MMS22L: variants seen among roughly 807,000 people sequenced by gnomAD.
The protein encoded by MMS22L is protein MMS22-like.
In MMS22L, 74 loss-of-function variants were observed where a neutral mutation model predicts 159.1. That is an observed-to-expected ratio of 0.47 (90% CI 0.39 to 0.56). The LOEUF (loss-of-function observed/expected upper bound fraction) is 0.56. Ranked by LOEUF, MMS22L falls within the 20% of genes least tolerant of loss-of-function variation. The pLI is 0.00. For synonymous variants in MMS22L, 517 were observed against 506.9 expected, an observed-to-expected ratio of 1.02 and a Z score of -0.27; for missense variants, 1,351 against 1,422.1, an observed-to-expected ratio of 0.95 and a Z score of 0.80.
chr6:97,230,069 T>C (rs1486756138), intron 13 of MMS22L, among the ~76,000 whole-genome samples: 2 of 152,154 alleles, frequency 1.3e-5, no homozygotes, highest in Non-Finnish European at 2.9e-5. Context: ...TCTGAATTCC[T>C]ACTTACGAAT....
intron 18 of MMS22L, among the ~76,000 whole-genome samples, chr6:97,175,491 T>C (rs1804023711): frequency 6.6e-6 from 1 of 152,210 alleles, no homozygotes; most frequent in Admixed American, 6.5e-5. Context: ...TCTGAAACCA[T>C]GTCAATAAAC....
chr6:97,170,124 T>G (rs1044226264), intron 19 of MMS22L, among the ~76,000 whole-genome samples: 1 of 152,174 alleles, frequency 6.6e-6, no homozygotes, highest in Admixed American at 6.6e-5. Flanking sequence ...TAAGTATGTA[T>G]GTATAGGCAA....
At chr6:97,258,870 T>C (rs941460105) in intron 9 of MMS22L, 1 of 152,200 alleles carries the variant, frequency 6.6e-6, no homozygotes, top group Non-Finnish European at 1.5e-5. Flanking sequence ...CAAAGAGTGT[T>C]ATTCATTTAA....
chr6:97,193,222 T>G (rs570112069), intron 14 of MMS22L, among the ~76,000 whole-genome samples: 1 of 152,264 alleles, frequency 6.6e-6, no homozygotes, highest in South Asian at 2.1e-4. Context: ...AATTTACAAT[T>G]TTCCTATGCT....
rs199985007 is a variant in MMS22L, at chr6:97,225,131, TAA to T, written c.2039+3761_2039+3762del. ...ATAAGCATTAACTCTTTCAAGAATG[TAA>T]GAATTATTCTTGTGTTTCTAGTTAC... On this transcript the variant is annotated intron_variant, in intron 14 of 24. Coordinates refer to ENST00000683635, the MANE Select transcript of MMS22L (RefSeq NM_001350599.2). Among the ~76,000 whole-genome samples the T allele has an allele frequency of 5.4e-4, 83 of 152,324 alleles. 2 individuals carry two copies. In the East Asian group the frequency reaches 0.015, roughly 27 times the overall value.
intron 9 of MMS22L, among the ~76,000 whole-genome samples, chr6:97,262,361 C>T (rs551392062): frequency 1.3e-5 from 2 of 152,108 alleles, no homozygotes; most frequent in Admixed American, 6.5e-5. Flanking sequence ...AAAAAGATAG[C>T]AGGCCAGGCA....
At chr6:97,191,996 T>C (rs778250124) in intron 14 of MMS22L, among the ~76,000 whole-genome samples, 2 of 152,202 alleles carry the variant, frequency 1.3e-5, no homozygotes, top group Non-Finnish European at 2.9e-5. Context: ...CAATTTGAGA[T>C]AATGGTAGTT....
chr6:97,259,856 C>G (rs1028492430), intron 9 of MMS22L: 1 of 152,080 alleles, frequency 6.6e-6, no homozygotes, highest in African/African-American at 2.4e-5. Flanking sequence ...AAAAACAATA[C>G]TGCAATAAAT....
chr6:97,254,704 A>C lies in MMS22L; in HGVS notation c.972T>G (p.Leu324=). The C allele has an allele frequency of 6.2e-7, 1 of 1,608,220 alleles. No individual in the cohort carries two copies. The highest frequency in any genetic ancestry group is 8.5e-7 in the Non-Finnish European group (1 of 1,178,298). Residue 324 remains leucine, a synonymous_variant, in exon 10 of 25, where the codon CTT becomes CTG. Coordinates refer to ENST00000683635, the MANE Select transcript of MMS22L (RefSeq NM_001350599.2). ...CACTTGATTTTTCAAGCAGTGTTTT[A>C]AGTAGTTTATTCAACCAGTTCCAAA... ...ESFWNWLNKL[L]KTLLEKSSDR... is the part of the protein sequence containing the mutation.
At chr6:97,221,290 T>G (rs1809616844) in intron 14 of MMS22L, among the ~76,000 whole-genome samples, 1 of 152,094 alleles carries the variant, frequency 6.6e-6, no homozygotes, top group Non-Finnish European at 1.5e-5. Flanking sequence ...TAAGGAAAAC[T>G]CGTATCTATG....
chr6:97,272,799 T>C lies in MMS22L; in HGVS notation c.511A>G (p.Ile171Val), dbSNP rs150207857. 3.1e-6 allele frequency: 5 copies of C among 1,613,870 alleles called. No homozygotes were observed. In the African/African-American group the frequency reaches 5.3e-5, roughly 17 times the overall value. Residue 171 changes from isoleucine (I) to valine (V), a missense_variant, in exon 6 of 25, where the codon ATT becomes GTT. By Grantham distance (29) the Ile-to-Val change is conservative (BLOSUM62 3). Coordinates refer to ENST00000683635, the MANE Select transcript of MMS22L (RefSeq NM_001350599.2). ...AAGAGTAATCCATGAAGCTCATCAA[T>C]CAACACTGAGGGAAGCTGAGCCTCC... ...ALEAQLPSVLIDELHGLLLYI... is the reference protein window; with the variant it reads ...ALEAQLPSVLVDELHGLLLYI...
intron 22 of MMS22L, among the ~76,000 whole-genome samples, chr6:97,153,245 T>G (rs2128234677): frequency 6.6e-6 from 1 of 152,244 alleles, no homozygotes; most frequent in South Asian, 2.1e-4. Context: ...TATTCAGAGT[T>G]GTACAACCAT....
chr6:97,146,903 GAA>G lies in MMS22L; in HGVS notation c.3651-18_3651-17del. On this transcript the variant is annotated splice_polypyrimidine_tract_variant and intron_variant, in intron 24 of 24. Coordinates refer to ENST00000683635, the MANE Select transcript of MMS22L (RefSeq NM_001350599.2). ...ATAGGCTTCCCTGTTTAAGAAAAAA[GAA>G]AAGAAAGCAAATATATTAACATTTT... 6.7e-7 allele frequency: 1 copy of G among 1,482,214 alleles called. No homozygotes were observed. Among genetic ancestry groups the G allele is most frequent in the South Asian group, 1.3e-5 (1 of 78,544 alleles). The allele number at this position is 1,482,214 out of a possible 1,614,324, so 91.8% of individuals were successfully genotyped here.
At chr6:97,234,039 CACT>C in intron 11 of MMS22L, 59 bp from the exon 12 acceptor site, 1 of 1,561,206 alleles carries the variant, frequency 6.4e-7, no homozygotes, top group Non-Finnish European at 8.7e-7. Flanking sequence ...TAAACATTTT[CACT>C]TGATATTGTG....
At chr6:97,198,933 A>C (rs1806838284) in intron 14 of MMS22L, among the ~76,000 whole-genome samples, 1 of 152,080 alleles carries the variant, frequency 6.6e-6, no homozygotes. Flanking sequence ...TGCTTTCAAA[A>C]GTTTCATTTT....
intron 14 of MMS22L, among the ~76,000 whole-genome samples, chr6:97,201,186 C>T (rs1327223896): frequency 6.6e-6 from 1 of 152,054 alleles, no homozygotes. Flanking sequence ...GTGGACACAG[C>T]CTACATATTT....
intron 10 of MMS22L, among the ~76,000 whole-genome samples, chr6:97,248,211 T>G (rs1034134998): frequency 1.3e-5 from 2 of 152,216 alleles, no homozygotes; most frequent in African/African-American, 2.4e-5. Context: ...ACAGCACATA[T>G]GATGAGAAAC....
intron 18 of MMS22L, 151 bp from the exon 19 acceptor site, chr6:97,173,373 G>A: frequency 3.2e-6 from 2 of 622,966 alleles, no homozygotes; most frequent in Non-Finnish European, 5.3e-6. Context: ...AAGAGACATA[G>A]GAATTAAAAC....
chr6:97,165,439 A>G lies in MMS22L; in HGVS notation c.3028T>C (p.Cys1010Arg), dbSNP rs1301162531. 22 of 1,612,484 alleles carry G rather than the reference A, an allele frequency of 1.4e-5. No homozygotes were observed. The highest frequency in any genetic ancestry group is 1.9e-5 in the Non-Finnish European group (22 of 1,179,310). ...LYLQGMCIVCCQSQNPNAYLN... is the reference protein window; with the variant it reads ...LYLQGMCIVCRQSQNPNAYLN... ...TAGGCATTCGGATTTTGAGATTGAC[A>G]ACACACGATACACATGCCCTACAAG... is the stretch of plus-strand genomic sequence containing the variant. The change falls in exon 21 of 25, where the codon TGT becomes CGT. Residue 1010 changes from cysteine to arginine, a missense_variant. By Grantham distance (180) the Cys-to-Arg change is radical (BLOSUM62 -3). Transcript: ENST00000683635.
Sources: gnomAD v4.1 joint callset for allele counts (sites outside exome capture counted in the v4.1 genomes callset) on GRCh38, gnomAD v4.1.1 for gene constraint, MANE v1.5 for transcripts, NCBI Gene and HGNC (gene_info 2026-07-23, HGNC 2026-07-21) for gene names.